Variants in ERP29 observed in about 807,000 individuals in gnomAD.
ERP29 encodes the protein endoplasmic reticulum resident protein 29.
In ERP29, 14 loss-of-function variants were observed where a neutral mutation model predicts 21.7. The ratio of observed to expected loss-of-function variants is 0.64; its 90% CI spans 0.43 to 1.01. The LOEUF is 1.01. Among genes scored for constraint, ERP29 ranks in the 50% least tolerant of loss-of-function variants. The probability of loss-of-function intolerance (pLI) is 0.00; values close to 1 mark genes in which losing one functional copy is unlikely to be tolerated. For missense variants in ERP29, 286 were observed against 327.3 expected, an observed-to-expected ratio of 0.87 and a Z score of 0.97; for synonymous variants, 129 against 139.1, an observed-to-expected ratio of 0.93 and a Z score of 0.51.
chr12:112,019,164 A>G (rs1349958921), intron 1 of ERP29: 1 of 161,238 alleles, frequency 6.2e-6, no homozygotes, highest in African/African-American at 2.4e-5. Flanking sequence ...TTTTACTGCA[A>G]TTAAAAGTCT....
At chr12:112,020,969 T>G (rs1261301757) in intron 2 of ERP29, among the ~76,000 whole-genome samples, 4 of 152,202 alleles carry the variant, frequency 2.6e-5, no homozygotes, top group African/African-American at 9.6e-5. Context: ...CTACCACTAC[T>G]AGTAGTTGGT....
At chr12:112,017,452 G>A (rs373126075) in intron 1 of ERP29, among the ~76,000 whole-genome samples, 33 of 152,288 alleles carry the variant, frequency 2.2e-4, no homozygotes, top group African/African-American at 7.5e-4. Flanking sequence ...AGCCTTGAAC[G>A]ATAAAGAGAT....
intron 2 of ERP29, among the ~76,000 whole-genome samples, chr12:112,020,640 G>A (rs906016931): frequency 1.3e-5 from 2 of 152,170 alleles, no homozygotes; most frequent in African/African-American, 2.4e-5. Flanking sequence ...TTAGTAGAGC[G>A]TCTGGTCCTG....
At chr12:112,015,912 C>G (rs1357236016) in intron 1 of ERP29, among the ~76,000 whole-genome samples, 1 of 152,210 alleles carries the variant, frequency 6.6e-6, no homozygotes, top group African/African-American at 2.4e-5. Flanking sequence ...ATATTCTCTG[C>G]CCAAACTTTG....
chr12:112,019,885 G>A lies in ERP29; in HGVS notation c.274G>A (p.Gly92Arg). The A allele has an allele frequency of 6.2e-7, 1 of 1,614,098 alleles. No individual in the cohort carries two copies. Among genetic ancestry groups the A allele is most frequent in the Non-Finnish European group, 8.5e-7 (1 of 1,179,996 alleles). ...SSDDLLVAEV[G>R]ISDYGDKLNM... ...CGATGATCTCTTGGTGGCAGAGGTGGGGATCTCAGGTATGGACAAGTCCAG... is the reference window on the plus strand; with the variant it reads ...CGATGATCTCTTGGTGGCAGAGGTGAGGATCTCAGGTATGGACAAGTCCAG... Residue 92 changes from glycine to arginine, a missense_variant, in exon 2 of 3, where the codon GGG becomes AGG. By Grantham distance (125) the Gly-to-Arg change is moderately radical. Coordinates refer to ENST00000261735, the MANE Select transcript of ERP29 (RefSeq NM_006817.4).
chr12:112,018,519 G>A (rs1215247723), intron 1 of ERP29, among the ~76,000 whole-genome samples: 1 of 152,220 alleles, frequency 6.6e-6, no homozygotes. Flanking sequence ...AAAAGTTGAT[G>A]GAAGTGAGGA....
At chr12:112,016,959 A>G (rs1050838096) in intron 1 of ERP29, among the ~76,000 whole-genome samples, 5 of 152,324 alleles carry the variant, frequency 3.3e-5, no homozygotes, top group Admixed American at 1.3e-4. Flanking sequence ...TTGCCATTCA[A>G]AACCATTCTG....
chr12:112,018,116 T>C (rs2078024335), intron 1 of ERP29, among the ~76,000 whole-genome samples: 1 of 152,010 alleles, frequency 6.6e-6, no homozygotes, highest in South Asian at 2.1e-4. Context: ...TCAGCCAGAA[T>C]TATGTCAGCT....
At chr12:112,019,639 C>A in intron 1 of ERP29, 117 bp from the exon 2 acceptor site, 1 of 1,174,040 alleles carries the variant, frequency 8.5e-7, no homozygotes, top group Non-Finnish European at 1.3e-6. Context: ...TTTGTGAGAG[C>A]TTGCCTCCCT....
rs751205381 is a variant in ERP29, at chr12:112,022,512, T to C, written c.646T>C (p.Phe216Leu). Reference sequence around the variant, plus strand: ...GAAGATCTTAGACCAAGGGGAGGACTTCCCAGCATCAGAGATGACACGGAT... The same window carrying C: ...GAAGATCTTAGACCAAGGGGAGGACCTCCCAGCATCAGAGATGACACGGAT... ...MGKILDQGED[F>L]PASEMTRIAR... The change falls in exon 3 of 3, where the codon TTC becomes CTC. Residue 216 changes from phenylalanine to leucine, a missense_variant. By Grantham distance (22) the Phe-to-Leu change is conservative. Coordinates refer to ENST00000261735, the MANE Select transcript of ERP29 (RefSeq NM_006817.4). 6.2e-7 allele frequency: 1 copy of C among 1,614,122 alleles called. No homozygotes were observed. The highest frequency in any genetic ancestry group is 1.7e-5 in the Admixed American group (1 of 60,012).
In ERP29 at chr12:112,013,531, G is replaced by GCTCCT. The variant is rs1420853571; in HGVS notation, c.71_75dup (p.Ala26SerfsTer35). 1 of 1,612,860 alleles carries GCTCCT rather than the reference G, an allele frequency of 6.2e-7. No homozygotes were observed. Among genetic ancestry groups the GCTCCT allele is most frequent in the Non-Finnish European group, 8.5e-7 (1 of 1,179,506 alleles). On this transcript the variant is annotated frameshift_variant, in exon 1 of 3. Coordinates refer to ENST00000261735, the MANE Select transcript of ERP29 (RefSeq NM_006817.4). LOFTEE classifies it high-confidence loss of function. ...TGCTTCCCCTTCTCCTGGGCTTCCTGCTCCTCTCCGCTCCGCATGGCGGCA... is the reference window on the plus strand; with the variant it reads ...TGCTTCCCCTTCTCCTGGGCTTCCTGCTCCTCTCCTCTCCGCTCCGCATGGCGGCA...
chr12:112,022,685 G>C lies in ERP29; in HGVS notation c.*33G>C. ...GTCTGTGATTTTCCAGGGTTTGGTG[G>C]GGGTAGGGAGGGGAGAGTTAACCTG... On this transcript the variant is annotated 3_prime_UTR_variant, in exon 3 of 3. Coordinates refer to ENST00000261735, the MANE Select transcript of ERP29 (RefSeq NM_006817.4). The C allele has an allele frequency of 3.2e-6, 5 of 1,564,416 alleles. No homozygotes were observed. Among genetic ancestry groups the C allele is most frequent in the Non-Finnish European group, 4.3e-6 (5 of 1,158,264 alleles).
At chr12:112,017,824 G>A (rs916578927) in intron 1 of ERP29, among the ~76,000 whole-genome samples, 7 of 110,578 alleles carry the variant, frequency 6.3e-5, no homozygotes, top group Non-Finnish European at 8.6e-5. Context: ...CATTCTTTTC[G>A]CCCAGGCTGG....
At position 112,013,477 on chromosome 12, in the gene ERP29, T is replaced by G. The variant is rs1183304044; in HGVS notation, c.12T>G (p.Ala4=). 2 of 1,612,302 alleles carry G rather than the reference T, an allele frequency of 1.2e-6. No homozygotes were observed. Among genetic ancestry groups the G allele is most frequent in the Non-Finnish European group, 1.7e-6 (2 of 1,179,158 alleles). MAA[A]VPRAAFLSPL... ...AGGAACCCGGCGATATGGCTGCCGC[T>G]GTGCCCCGCGCCGCATTTCTCTCCC... is the stretch of plus-strand genomic sequence containing the variant. Residue 4 remains alanine, a synonymous_variant, in exon 1 of 3, where the codon GCT becomes GCG. Coordinates refer to ENST00000261735, the MANE Select transcript of ERP29 (RefSeq NM_006817.4).
intron 1 of ERP29, among the ~76,000 whole-genome samples, chr12:112,017,792 T>C (rs961488784): frequency 6.8e-6 from 1 of 147,850 alleles, no homozygotes; most frequent in Non-Finnish European, 1.5e-5. Context: ...TCTTTTTTTT[T>C]TTTTTTTTTG....
In ERP29 at chr12:112,019,822, G is replaced by T. The variant is rs771935142; in HGVS notation, c.211G>T (p.Asp71Tyr). ...DTQYPYGEKQ[D>Y]EFKRLAENSA... ...CCAGTACCCCTACGGTGAGAAGCAG[G>T]ATGAGTTCAAGCGTCTTGCTGAAAA... The change falls in exon 2 of 3, where the codon GAT (aspartate) becomes TAT (tyrosine). Residue 71 changes from aspartate to tyrosine, a missense_variant. By Grantham distance (160) the Asp-to-Tyr change is radical. Coordinates refer to ENST00000261735, the MANE Select transcript of ERP29 (RefSeq NM_006817.4). 1 of 1,613,972 alleles carries T rather than the reference G, an allele frequency of 6.2e-7. No individual in the cohort carries two copies. The highest frequency in any genetic ancestry group is 1.3e-5 in the African/African-American group (1 of 74,892).
intron 1 of ERP29, 45 bp downstream of exon 1, chr12:112,013,654 C>G (rs2077960544): frequency 6.7e-7 from 1 of 1,495,456 alleles, no homozygotes; most frequent in Admixed American, 2.5e-5. Context: ...GCCGGGGCGC[C>G]CGGAAGAGCG....
In ERP29 at chr12:112,022,744, T is replaced by G; in HGVS notation, c.*92T>G. On this transcript the variant is annotated 3_prime_UTR_variant, in exon 3 of 3. Transcript: ENST00000261735. ...GAGTCCCTTGTGGAATATAAGGGGG[T>G]AGTGGGAAAAGTGGTACTAACCCAC... is the stretch of plus-strand genomic sequence containing the variant. 2 of 1,370,676 alleles carry G rather than the reference T, an allele frequency of 1.5e-6. No individual in the cohort carries two copies. Among genetic ancestry groups the G allele is most frequent in the South Asian group, 2.8e-5 (2 of 71,938 alleles). The allele number at this position is 1,370,676 out of a possible 1,614,324, so 84.9% of individuals were successfully genotyped here. A position where few individuals can be genotyped will look rare whatever the true frequency, so the allele number is the denominator to read the frequency against.
rs1205816910 is a variant in ERP29 at position 112,022,911 on chromosome 12, GGA to G, written c.*265_*266del. ...TCAGAAGGAATGAGTGCTATAGAGAGGAGAGAGGAGTGTACTGCCCAGGTCTT... is the reference window on the plus strand; with the variant it reads ...TCAGAAGGAATGAGTGCTATAGAGAGGAGAGGAGTGTACTGCCCAGGTCTT... On this transcript the variant is annotated 3_prime_UTR_variant, in exon 3 of 3. Coordinates refer to ENST00000261735, the MANE Select transcript of ERP29 (RefSeq NM_006817.4). 2 of 473,306 alleles carry G rather than the reference GGA, an allele frequency of 4.2e-6. No homozygotes were observed. Among genetic ancestry groups the G allele is most frequent in the Admixed American group, 3.7e-5 (1 of 27,262 alleles). 29.3% of individuals were successfully genotyped at this position (473,306 alleles called of 1,614,324 possible).
Sources: allele counts gnomAD v4.1 joint callset (sites outside exome capture counted in the v4.1 genomes callset), GRCh38; gene constraint gnomAD v4.1.1; transcripts MANE v1.5; gene names NCBI Gene and HGNC (gene_info 2026-07-23, HGNC 2026-07-21).